STAG1: variants seen among roughly 807,000 people sequenced by gnomAD.
STAG1 encodes the protein STAG1 cohesin complex component, also known as cohesin subunit SA-1.
A neutral mutation model predicts 170.9 loss-of-function variants in STAG1; 26 were observed. The ratio of observed to expected loss-of-function variants is 0.15; its 90% CI spans 0.11 to 0.21. The LOEUF (loss-of-function observed/expected upper bound fraction) is 0.21. Among genes scored for constraint, STAG1 ranks in the 10% least tolerant of loss-of-function variants. The pLI, the probability that STAG1 is intolerant of heterozygous loss-of-function variation, is 1.00. For synonymous variants in STAG1, 514 were observed against 497.7 expected, an observed-to-expected ratio of 1.03 and a Z score of -0.44; for missense variants, 964 against 1,509.5, an observed-to-expected ratio of 0.64 and a Z score of 5.99.
intron 16 of STAG1, among the ~76,000 whole-genome samples, chr3:136,425,679 C>T (rs1027276021): frequency 6.7e-6 from 1 of 149,994 alleles, no homozygotes; most frequent in African/African-American, 2.5e-5. Flanking sequence ...GATTTAAATA[C>T]GTGTATGTGT....
intron 1 of STAG1, among the ~76,000 whole-genome samples, chr3:136,670,297 T>C (rs1200579830): frequency 6.6e-6 from 1 of 152,150 alleles, no homozygotes; most frequent in Non-Finnish European, 1.5e-5. Context: ...CAAGTGACAA[T>C]GCCATGGAAA....
intron 6 of STAG1, among the ~76,000 whole-genome samples, chr3:136,522,528 CTTGT>C (rs750620099): frequency 7.8e-6 from 1 of 128,268 alleles, no homozygotes; most frequent in African/African-American, 2.5e-5. Flanking sequence ...TAGAGTTCCT[CTTGT>C]TTTTTTCTTT....
intron 5 of STAG1, among the ~76,000 whole-genome samples, chr3:136,559,023 T>C (rs1250865327): frequency 6.6e-6 from 1 of 152,196 alleles, no homozygotes; most frequent in Non-Finnish European, 1.5e-5. Flanking sequence ...AATGTGCTAC[T>C]GGCATCTAAC....
In STAG1 at chr3:136,625,443, C is replaced by T. The variant is rs1002204231; in HGVS notation, c.30-2195G>A. On this transcript the variant is annotated intron_variant, in intron 2 of 33. Coordinates refer to ENST00000383202, the MANE Select transcript of STAG1 (RefSeq NM_005862.3). ...CATGCATGACATACTTACTTGAATGCCACCTCAAATTCACCAAATGCCACA... is the reference window on the plus strand; with the variant it reads ...CATGCATGACATACTTACTTGAATGTCACCTCAAATTCACCAAATGCCACA... Among the ~76,000 whole-genome samples, 11 of 152,270 alleles carry T rather than the reference C, an allele frequency of 7.2e-5. No homozygotes were observed. The South Asian group carries it at 1.5e-3, about 20-fold the overall frequency.
At chr3:136,721,304 G>C (rs1028429787) in intron 1 of STAG1, 2 of 152,180 alleles carry the variant, frequency 1.3e-5, no homozygotes, top group African/African-American at 2.4e-5. Context: ...CAGTATAACA[G>C]AATCAAATAG....
At chr3:136,596,578 C>T (rs1938439141) in intron 4 of STAG1, among the ~76,000 whole-genome samples, 1 of 152,056 alleles carries the variant, frequency 6.6e-6, no homozygotes, top group Admixed American at 6.6e-5. Context: ...TGGTCCTATC[C>T]TTTTTCTCCT....
At chr3:136,672,753 T>C (rs1942014743) in intron 1 of STAG1, among the ~76,000 whole-genome samples, 1 of 152,186 alleles carries the variant, frequency 6.6e-6, no homozygotes, top group African/African-American at 2.4e-5. Context: ...TAGTCATATG[T>C]GCCAGTCAAA....
intron 22 of STAG1, among the ~76,000 whole-genome samples, chr3:136,390,448 C>CT (rs1434898482): frequency 1.3e-5 from 2 of 152,136 alleles, no homozygotes; most frequent in African/African-American, 4.8e-5. Context: ...TCTTTCTTCT[C>CT]TAACTTTTCT....
At chr3:136,447,241 T>G (rs2088808031) in intron 14 of STAG1, among the ~76,000 whole-genome samples, 1 of 151,786 alleles carries the variant, frequency 6.6e-6, no homozygotes, top group Admixed American at 6.6e-5. Flanking sequence ...TCCCAGCACT[T>G]TGGGGGGCCA....
At chr3:136,731,095 T>C (rs1396419696) in intron 1 of STAG1, among the ~76,000 whole-genome samples, 1 of 152,198 alleles carries the variant, frequency 6.6e-6, no homozygotes, top group African/African-American at 2.4e-5. Flanking sequence ...TACCTTCACC[T>C]GAAATGTCAT....
chr3:136,711,927 C>T (rs1240446061), intron 1 of STAG1, among the ~76,000 whole-genome samples: 1 of 152,130 alleles, frequency 6.6e-6, no homozygotes, highest in African/African-American at 2.4e-5. Flanking sequence ...ACTCCATTAC[C>T]TCCAAGGAAG....
intron 14 of STAG1, among the ~76,000 whole-genome samples, chr3:136,450,938 G>A (rs576291464): frequency 2.6e-5 from 4 of 152,054 alleles, no homozygotes; most frequent in East Asian, 1.9e-4. Flanking sequence ...TAGTAGAGAC[G>A]GACTTTTGCT....
intron 1 of STAG1, among the ~76,000 whole-genome samples, chr3:136,636,170 C>T (rs1301148205): frequency 6.6e-6 from 1 of 151,988 alleles, no homozygotes; most frequent in Non-Finnish European, 1.5e-5. Flanking sequence ...ATCACTTGAA[C>T]CCAGAAGGCA....
chr3:136,678,882 G>GAA (rs543331662), intron 1 of STAG1, among the ~76,000 whole-genome samples: 4 of 100,952 alleles, frequency 4.0e-5, no homozygotes, highest in South Asian at 3.2e-4. Context: ...AGAAGAAAAA[G>GAA]AAAAAAAAAA....
At chr3:136,718,213 T>C (rs969151884) in intron 1 of STAG1, among the ~76,000 whole-genome samples, 1 of 152,214 alleles carries the variant, frequency 6.6e-6, no homozygotes, top group African/African-American at 2.4e-5. Context: ...TGGGAATATA[T>C]TTATCTTTAC....
intron 4 of STAG1, among the ~76,000 whole-genome samples, chr3:136,603,650 C>T (rs1306714365): frequency 1.3e-5 from 2 of 152,022 alleles, no homozygotes; most frequent in Admixed American, 6.6e-5. Context: ...TTTGGGAGGC[C>T]GAGGCAGGTG....
chr3:136,364,114 A>T (rs925657541), intron 25 of STAG1, among the ~76,000 whole-genome samples: 1 of 150,030 alleles, frequency 6.7e-6, no homozygotes, highest in Non-Finnish European at 1.5e-5. Context: ...ATGAAGTCTC[A>T]CTCTGTTGCC....
intron 1 of STAG1, among the ~76,000 whole-genome samples, chr3:136,639,625 GAATT>G (rs1485821600): frequency 6.6e-6 from 1 of 152,072 alleles, no homozygotes; most frequent in African/African-American, 2.4e-5. Context: ...GATCCTAAAA[GAATT>G]AACTAACAGT....
chr3:136,641,758 A>G (rs1940807038), intron 1 of STAG1, among the ~76,000 whole-genome samples: 1 of 152,236 alleles, frequency 6.6e-6, no homozygotes, highest in African/African-American at 2.4e-5. Flanking sequence ...ACATTTGAAT[A>G]AGTTCTACAT....
Sources: allele counts gnomAD v4.1 joint callset (sites outside exome capture counted in the v4.1 genomes callset), GRCh38; gene constraint gnomAD v4.1.1; transcripts MANE v1.5; gene names NCBI Gene and HGNC (gene_info 2026-07-23, HGNC 2026-07-21).